Variants in GNB4 observed in about 807,000 individuals in gnomAD.
GNB4 encodes guanine nucleotide-binding protein subunit beta-4.
In GNB4, 28 loss-of-function variants were observed where a neutral mutation model predicts 45.2. The observed-to-expected ratio is 0.62, with a 90% confidence interval of 0.46 to 0.85. GNB4 has a LOEUF of 0.85. Ranked by LOEUF, GNB4 falls within the 40% of genes least tolerant of loss-of-function variation. The pLI is 0.00. For missense variants in GNB4, 321 were observed against 425.4 expected, an observed-to-expected ratio of 0.75 and a Z score of 2.16; for synonymous variants, 132 against 143.7, an observed-to-expected ratio of 0.92 and a Z score of 0.58.
chr3:179,473,826 T>C, the GNB4 span, among the ~76,000 whole-genome samples: 1 of 152,194 alleles, frequency 6.6e-6, no homozygotes, highest in African/African-American at 2.4e-5. Flanking sequence ...TGGTTGTAGT[T>C]TCGGTTCAAG....
At chr3:179,413,675 C>T (rs1271675223) in intron 7 of GNB4, 40 bp downstream of exon 7, 2 of 1,611,388 alleles carry the variant, frequency 1.2e-6, no homozygotes, top group South Asian at 1.1e-5. Flanking sequence ...CTGCTACCAC[C>T]CTCAAACCCA....
In GNB4 at chr3:179,419,010, G is replaced by A. The variant is rs75169419; in HGVS notation, c.203+389C>T. ...GTTTCATGTAATTTCCATTATTTGCGAATTTATGTAATAACAAACTATAGC... is the reference window on the plus strand; with the variant it reads ...GTTTCATGTAATTTCCATTATTTGCAAATTTATGTAATAACAAACTATAGC... On this transcript the variant is annotated intron_variant, in intron 4 of 9. Coordinates refer to ENST00000232564, the MANE Select transcript of GNB4 (RefSeq NM_021629.4). 2.9e-4 allele frequency among the ~76,000 whole-genome samples: 44 copies of A among 152,304 alleles called. 1 individual carries two copies. The East Asian group carries it at 7.3e-3, about 25-fold the overall frequency.
chr3:179,478,548 TG>T, the GNB4 span, among the ~76,000 whole-genome samples: 1 of 152,168 alleles, frequency 6.6e-6, no homozygotes, highest in African/African-American at 2.4e-5. Flanking sequence ...TGTTTTGTTT[TG>T]TTTTGTTTTT....
upstream of GNB4, among the ~76,000 whole-genome samples, chr3:179,451,915 T>C (rs891416500): frequency 1.3e-5 from 2 of 152,120 alleles, no homozygotes; most frequent in Non-Finnish European, 2.9e-5. Flanking sequence ...GAAAGTAAAC[T>C]GAAGCCCAGA....
At chr3:179,477,758 G>A in the GNB4 span, among the ~76,000 whole-genome samples, 1 of 151,938 alleles carries the variant, frequency 6.6e-6, no homozygotes, top group African/African-American at 2.4e-5. Flanking sequence ...CCCTATTTCT[G>A]GGGTCTTCCT....
At position 179,405,751 on chromosome 3, in the gene GNB4, G is replaced by A. The variant is rs561320993; in HGVS notation, c.700-345C>T. 1.2e-4 allele frequency: 21 copies of A among 175,542 alleles called. No homozygotes were observed. The East Asian group carries it at 2.9e-3, about 24-fold the overall frequency. The allele number at this position is 175,542 out of a possible 1,614,324, so 10.9% of individuals were successfully genotyped here. A position where few individuals can be genotyped will look rare whatever the true frequency, so the allele number is the denominator to read the frequency against. On this transcript the variant is annotated intron_variant, in intron 8 of 9. Transcript: ENST00000232564. ...TGTGTGTGTGTGGCTGTTGTAGAAC[G>A]AATGGCAAGGAGATAAAAGGTCCAC...
At chr3:179,451,633 A>G (rs1715883798), upstream of GNB4, 1 of 151,314 alleles carries the variant, frequency 6.6e-6, no homozygotes. Flanking sequence ...GCGGGGGGCG[A>G]AGGGAGCGGG....
At chr3:179,439,149 C>T (rs1021852348) in intron 1 of GNB4, among the ~76,000 whole-genome samples, 7 of 152,174 alleles carry the variant, frequency 4.6e-5, no homozygotes, top group African/African-American at 7.2e-5. Context: ...CAAGTCTTCA[C>T]GGTGAGTCTG....
chr3:179,456,065 C>G (rs965155274), upstream of GNB4, among the ~76,000 whole-genome samples: 1 of 151,310 alleles, frequency 6.6e-6, no homozygotes, highest in Admixed American at 6.6e-5. Context: ...ACTATCCTCA[C>G]TTGGTCTAGG....
chr3:179,479,063 T>A, the GNB4 span, among the ~76,000 whole-genome samples: 119 of 152,326 alleles, frequency 7.8e-4, 1 homozygote, highest in African/African-American at 2.6e-3. Flanking sequence ...CTCTTTTATT[T>A]ATAAATTACC....
the GNB4 span, among the ~76,000 whole-genome samples, chr3:179,499,280 C>T: frequency 8.6e-5 from 13 of 151,816 alleles, no homozygotes; most frequent in African/African-American, 3.1e-4. Context: ...GCCTCAGCCT[C>T]CCGAGCAGCT....
At chr3:179,485,051 C>G in the GNB4 span, among the ~76,000 whole-genome samples, 1 of 137,598 alleles carries the variant, frequency 7.3e-6, no homozygotes, top group Non-Finnish European at 1.5e-5. Flanking sequence ...CGCTGTGTTG[C>G]CCAGGCTGGA....
chr3:179,488,016 G>T, the GNB4 span, among the ~76,000 whole-genome samples: 150 of 150,528 alleles, frequency 1.0e-3, no homozygotes, highest in African/African-American at 3.6e-3. Context: ...ACACCACTGT[G>T]CTCCAACCTG....
At chr3:179,458,079 A>G in the GNB4 span, among the ~76,000 whole-genome samples, 2 of 151,744 alleles carry the variant, frequency 1.3e-5, no homozygotes, top group Non-Finnish European at 2.9e-5. Context: ...TAATTTTTGT[A>G]TTTTCAGTAC....
the GNB4 span, among the ~76,000 whole-genome samples, chr3:179,458,659 T>A: frequency 6.6e-6 from 1 of 152,226 alleles, no homozygotes; most frequent in Non-Finnish European, 1.5e-5. Context: ...ATACTTTAAA[T>A]CATCTCTAAA....
In GNB4 at chr3:179,400,720, T is replaced by G. The variant is rs1714270614; in HGVS notation, c.*493A>C. Reference sequence around the variant, plus strand: ...TCTTAAACATGAAGCTATCAGGATCTCTTAGATTCAAAGAGATATCAGAAT... The same window carrying G: ...TCTTAAACATGAAGCTATCAGGATCGCTTAGATTCAAAGAGATATCAGAAT... On this transcript the variant is annotated 3_prime_UTR_variant, in exon 10 of 10. Coordinates refer to ENST00000232564, the MANE Select transcript of GNB4 (RefSeq NM_021629.4). The G allele has an allele frequency of 6.6e-6, 1 of 152,336 alleles. No homozygotes were observed. Among genetic ancestry groups the G allele is most frequent in the Non-Finnish European group, 1.5e-5 (1 of 68,146 alleles). The allele number at this position is 152,336 out of a possible 1,614,324, so 9.4% of individuals were successfully genotyped here. A position where few individuals can be genotyped will look rare whatever the true frequency, so the allele number is the denominator to read the frequency against.
chr3:179,417,909 A>G (rs1281941873), intron 4 of GNB4, among the ~76,000 whole-genome samples: 2 of 152,102 alleles, frequency 1.3e-5, no homozygotes, highest in East Asian at 3.9e-4. Flanking sequence ...ATCTAAAGAA[A>G]ATTCTTTAGA....
the GNB4 span, among the ~76,000 whole-genome samples, chr3:179,516,125 G>A: frequency 0.41 from 62,607 of 151,990 alleles, 14,014 homozygotes; most frequent in Admixed American, 0.49. Flanking sequence ...CTCTATTCTT[G>A]AGAGAGTCCT....
chr3:179,446,733 T>C (rs940888971), intron 1 of GNB4, among the ~76,000 whole-genome samples: 2 of 152,190 alleles, frequency 1.3e-5, no homozygotes, highest in South Asian at 2.1e-4. Context: ...ACACTCAAAG[T>C]TGGTAACTTG....
Sources: gnomAD v4.1 joint callset for allele counts (sites outside exome capture counted in the v4.1 genomes callset) on GRCh38, gnomAD v4.1.1 for gene constraint, MANE v1.5 for transcripts, NCBI Gene and HGNC (gene_info 2026-07-23, HGNC 2026-07-21) for gene names.